Variants in SNAP91 observed in about 807,000 individuals in gnomAD.
SNAP91 encodes the protein clathrin coat assembly protein AP180.
SNAP91 carries 27 observed loss-of-function variants against 100.3 expected under a neutral mutation model. The ratio of observed to expected loss-of-function variants is 0.27; its 90% CI spans 0.20 to 0.37. SNAP91 has a LOEUF of 0.37. Among genes scored for constraint, SNAP91 ranks in the 10% least tolerant of loss-of-function variants. The pLI, the probability that SNAP91 is intolerant of heterozygous loss-of-function variation, is 1.00. For synonymous variants in SNAP91, 404 were observed against 398.6 expected, an observed-to-expected ratio of 1.01 and a Z score of -0.16; for missense variants, 986 against 1,123.7, an observed-to-expected ratio of 0.88 and a Z score of 1.75.
intron 2 of SNAP91, among the ~76,000 whole-genome samples, chr6:83,674,085 C>G: frequency 6.6e-6 from 1 of 152,108 alleles, no homozygotes; most frequent in East Asian, 1.9e-4. Flanking sequence ...TTGTTTTTAA[C>G]TGAAAATCAA....
intron 2 of SNAP91, among the ~76,000 whole-genome samples, chr6:83,669,498 T>C (rs1347459090): frequency 1.3e-5 from 2 of 151,994 alleles, no homozygotes; most frequent in Non-Finnish European, 2.9e-5. Context: ...TATTGAAGTA[T>C]AGTTGATATT....
At chr6:83,569,214 CTT>C (rs1017237057) in intron 26 of SNAP91, among the ~76,000 whole-genome samples, 6 of 151,766 alleles carry the variant, frequency 4.0e-5, no homozygotes, top group African/African-American at 1.5e-4. Context: ...TTATGTAACT[CTT>C]TATTGTAACA....
intron 14 of SNAP91, among the ~76,000 whole-genome samples, chr6:83,603,771 C>T (rs937937575): frequency 1.3e-5 from 2 of 152,168 alleles, no homozygotes; most frequent in African/African-American, 4.8e-5. Flanking sequence ...CTTGCCCTGC[C>T]TTTGAGCAAT....
intron 7 of SNAP91, among the ~76,000 whole-genome samples, chr6:83,650,213 T>G (rs2098137033): frequency 6.6e-6 from 1 of 152,212 alleles, no homozygotes; most frequent in Non-Finnish European, 1.5e-5. Flanking sequence ...GTAGTTTGCA[T>G]TTTCAATTTG....
At chr6:83,588,219 G>T (rs1348729219) in intron 22 of SNAP91, among the ~76,000 whole-genome samples, 2 of 152,064 alleles carry the variant, frequency 1.3e-5, no homozygotes, top group Admixed American at 6.5e-5. Context: ...TACAAGAACT[G>T]TTTTGAAAGC....
At chr6:83,676,019 G>C (rs756187727) in intron 2 of SNAP91, among the ~76,000 whole-genome samples, 8 of 151,246 alleles carry the variant, frequency 5.3e-5, no homozygotes, top group Admixed American at 1.3e-4. Flanking sequence ...GCTGAGGTGG[G>C]AAGATCACTT....
intron 2 of SNAP91, among the ~76,000 whole-genome samples, chr6:83,669,128 T>A (rs533105475): frequency 6.6e-6 from 1 of 152,148 alleles, no homozygotes; most frequent in Admixed American, 6.6e-5. Flanking sequence ...CATTGTAAAG[T>A]TGAAAACTCA....
At chr6:83,613,339 G>A (rs554996337) in intron 11 of SNAP91, among the ~76,000 whole-genome samples, 40 of 152,170 alleles carry the variant, frequency 2.6e-4, no homozygotes, top group Non-Finnish European at 5.7e-4. Context: ...TGTATTATTT[G>A]AATTTTTATA....
In SNAP91 at chr6:83,686,523, T is replaced by C. The variant is rs373762101; in HGVS notation, c.131-20942A>G. ...TGGCTAGTAGGTCTTTGGTGACTAA[T>C]TCAGCTAATAAATTACTGAAATTTA... On this transcript the variant is annotated intron_variant, in intron 2 of 29. Transcript: ENST00000369694. Among the ~76,000 whole-genome samples the C allele has an allele frequency of 9.2e-5, 14 of 152,338 alleles. No homozygotes were observed. The South Asian group carries it at 2.9e-3, about 32-fold the overall frequency.
At chr6:83,685,239 C>G (rs907832567) in intron 2 of SNAP91, among the ~76,000 whole-genome samples, 2 of 152,158 alleles carry the variant, frequency 1.3e-5, no homozygotes, top group African/African-American at 4.8e-5. Flanking sequence ...TCCCTCTGTG[C>G]CACCCATAAA....
chr6:83,578,875 A>C lies in SNAP91; in HGVS notation c.2299+1575T>G, dbSNP rs901092626. ...AAAGTTGCGTAGATTTAGCTCTTAC[A>C]TTTGGTTGTACGACTTACTTTGAAT... On this transcript the variant is annotated intron_variant, in intron 24 of 29. Coordinates refer to ENST00000369694, the MANE Select transcript of SNAP91 (RefSeq NM_001242792.2). Among the ~76,000 whole-genome samples, 4 of 152,168 alleles carry C rather than the reference A, an allele frequency of 2.6e-5. No homozygotes were observed. In the East Asian group the frequency reaches 5.8e-4, roughly 22 times the overall value.
chr6:83,563,430 G>C (rs1240629372), intron 26 of SNAP91, among the ~76,000 whole-genome samples: 1 of 151,988 alleles, frequency 6.6e-6, no homozygotes, highest in East Asian at 1.9e-4. Context: ...ATCATACTTA[G>C]TGACTGAAAA....
intron 9 of SNAP91, among the ~76,000 whole-genome samples, chr6:83,621,236 G>C (rs1214231252): frequency 6.6e-6 from 1 of 152,054 alleles, no homozygotes; most frequent in Non-Finnish European, 1.5e-5. Flanking sequence ...TTCTGCATCA[G>C]TTTACTTGGG....
intron 11 of SNAP91, among the ~76,000 whole-genome samples, chr6:83,610,966 G>A (rs1021168441): frequency 2.0e-5 from 3 of 150,968 alleles, no homozygotes; most frequent in Admixed American, 6.6e-5. Context: ...CATATCTCTC[G>A]CAACTCAAAT....
chr6:83,699,194 T>C (rs776064911), intron 2 of SNAP91, among the ~76,000 whole-genome samples: 112 of 152,098 alleles, frequency 7.4e-4, no homozygotes, highest in Non-Finnish European at 1.4e-3. Flanking sequence ...ACAAAACACA[T>C]GAGGAATCAT....
intron 26 of SNAP91, among the ~76,000 whole-genome samples, chr6:83,572,483 C>T (rs535681254): frequency 6.6e-6 from 1 of 152,246 alleles, no homozygotes; most frequent in Admixed American, 6.5e-5. Flanking sequence ...AACTCCTGAC[C>T]TCAAGTGATC....
chr6:83,610,579 C>A, intron 12 of SNAP91, 71 bp downstream of exon 12: 1 of 536,282 alleles, frequency 1.9e-6, no homozygotes, highest in Non-Finnish European at 3.5e-6. Context: ...TGCCACTGAA[C>A]TGTACACTTT....
At chr6:83,556,694 A>G (rs551762984) in intron 28 of SNAP91, among the ~76,000 whole-genome samples, 37 of 152,242 alleles carry the variant, frequency 2.4e-4, no homozygotes, top group Non-Finnish European at 4.4e-4. Flanking sequence ...CGTTTTCTCT[A>G]TACAAAAGCA....
rs936812614 is a variant in SNAP91 at position 83,612,894 on chromosome 6, C to A, written c.884+1963G>T. ...TAGGAGACAGAGCGAGACTCAGTCT[C>A]AAAAAAAAAAAAAAAAAATATCAAC... On this transcript the variant is annotated intron_variant, in intron 11 of 29. Coordinates refer to ENST00000369694, the MANE Select transcript of SNAP91 (RefSeq NM_001242792.2). Among the ~76,000 whole-genome samples the A allele has an allele frequency of 9.5e-3, 889 of 94,036 alleles. 1 individual carries two copies. Among genetic ancestry groups the A allele is most frequent in the African/African-American group, 0.015 (333 of 22,524 alleles). The allele number at this position is 94,036 out of a possible 152,430, so 61.7% of individuals were successfully genotyped here. A position where few individuals can be genotyped will look rare whatever the true frequency, so the allele number is the denominator to read the frequency against.
Sources: gnomAD v4.1 joint callset for allele counts (sites outside exome capture counted in the v4.1 genomes callset) on GRCh38, gnomAD v4.1.1 for gene constraint, MANE v1.5 for transcripts, NCBI Gene and HGNC (gene_info 2026-07-23, HGNC 2026-07-21) for gene names.